The following AMPH variants were observed in gnomAD, a reference collection of about 807,000 sequenced individuals.
The protein encoded by AMPH is amphiphysin, also known as amphiphysin (Stiff-Mann syndrome with breast cancer 128kD autoantigen).
AMPH carries 49 observed loss-of-function variants against 99.1 expected under a neutral mutation model. That is an observed-to-expected ratio of 0.49 (90% CI 0.39 to 0.63). AMPH has a LOEUF of 0.63. Ranked by LOEUF, AMPH falls within the 20% of genes least tolerant of loss-of-function variation. AMPH has a pLI of 0.00. For synonymous variants in AMPH, 314 were observed against 317.3 expected, an observed-to-expected ratio of 0.99 and a Z score of 0.11; for missense variants, 759 against 863.4, an observed-to-expected ratio of 0.88 and a Z score of 1.52.
At chr7:38,403,555 C>A (rs1034966574) in intron 17 of AMPH, among the ~76,000 whole-genome samples, 14 of 152,314 alleles carry the variant, frequency 9.2e-5, no homozygotes, top group African/African-American at 3.1e-4. Flanking sequence ...CAGACCCCTG[C>A]AAACATACCT....
At chr7:38,461,683 C>T (rs1787452029) in intron 10 of AMPH, among the ~76,000 whole-genome samples, 1 of 152,146 alleles carries the variant, frequency 6.6e-6, no homozygotes, top group Non-Finnish European at 1.5e-5. Context: ...AGCTGTAGGG[C>T]CAGGCACATA....
chr7:38,444,461 G>A (rs1041418431), intron 11 of AMPH, among the ~76,000 whole-genome samples: 5 of 152,160 alleles, frequency 3.3e-5, no homozygotes, highest in Admixed American at 1.3e-4. Context: ...GTAGACGCAA[G>A]GAGAATGCCA....
rs760115221 is a variant in AMPH at position 38,465,471 on chromosome 7, G to A, written c.745C>T (p.Pro249Ser). Reference sequence around the variant, plus strand: ...CTCCAATGAGCAGGGGCCTACCTGGGCGCTCCTTGGATGGTGAAGGCCTTG... The same window carrying A: ...CTCCAATGAGCAGGGGCCTACCTGGACGCTCCTTGGATGGTGAAGGCCTTG... Reference protein sequence around the residue: ...ADKAFTIQGAPSDSGPLRIAK... With the variant: ...ADKAFTIQGASSDSGPLRIAK... The change falls in exon 9 of 21, where the codon CCC becomes TCC. Residue 249 changes from proline to serine, a missense_variant. Pro to Ser is a moderately conservative substitution (Grantham distance 74). Coordinates refer to ENST00000356264, the MANE Select transcript of AMPH (RefSeq NM_001635.4). 2 of 1,573,296 alleles carry A rather than the reference G, an allele frequency of 1.3e-6. No homozygotes were observed. Among genetic ancestry groups the A allele is most frequent in the South Asian group, 2.3e-5 (2 of 85,844 alleles).
At chr7:38,586,523 C>A (rs2129056728) in intron 1 of AMPH, among the ~76,000 whole-genome samples, 1 of 152,212 alleles carries the variant, frequency 6.6e-6, no homozygotes, top group East Asian at 1.9e-4. Flanking sequence ...GGGCCAATTG[C>A]TAGTGAGTTA....
chr7:38,430,766 TAG>T (rs1178801197), intron 13 of AMPH, among the ~76,000 whole-genome samples: 1 of 152,216 alleles, frequency 6.6e-6, no homozygotes, highest in Non-Finnish European at 1.5e-5. Flanking sequence ...AGATATAACT[TAG>T]TCATTGGTGG....
chr7:38,534,877 A>G (rs1790539582), intron 2 of AMPH, 54 bp downstream of exon 2: 1 of 1,489,612 alleles, frequency 6.7e-7, no homozygotes, highest in African/African-American at 1.4e-5. Context: ...ACATACTAAG[A>G]CACAAACACA....
At chr7:38,423,092 C>T (rs1477599616) in intron 15 of AMPH, among the ~76,000 whole-genome samples, 4 of 152,224 alleles carry the variant, frequency 2.6e-5, no homozygotes, top group Admixed American at 6.5e-5. Flanking sequence ...CTTTAGTCCA[C>T]AGCTTCTCTT....
At chr7:38,414,238 TA>T (rs896667529) in intron 17 of AMPH, among the ~76,000 whole-genome samples, 1 of 152,226 alleles carries the variant, frequency 6.6e-6, no homozygotes, top group African/African-American at 2.4e-5. Context: ...AGTTTAGTGG[TA>T]AAATTTTTAA....
rs1257921435 is a variant in AMPH, at chr7:38,436,266, T to G, written c.1134+6A>C. 6.2e-7 allele frequency: 1 copy of G among 1,610,268 alleles called. No homozygotes were observed. Among genetic ancestry groups the G allele is most frequent in the Admixed American group, 1.7e-5 (1 of 60,018 alleles). Reference sequence around the variant, plus strand: ...TATCTCCAAACATCCAAAAAGCACCTGATACCTGAGACATGGGTGAGTGGG... The same window carrying G: ...TATCTCCAAACATCCAAAAAGCACCGGATACCTGAGACATGGGTGAGTGGG... On this transcript the variant is annotated splice_donor_region_variant and intron_variant, in intron 12 of 20. Transcript: ENST00000356264.
chr7:38,447,842 ATAGAGATTTTCATCTTTTCTTCTTC>A (rs890101356), intron 11 of AMPH, among the ~76,000 whole-genome samples: 1 of 152,124 alleles, frequency 6.6e-6, no homozygotes, highest in African/African-American at 2.4e-5. Context: ...CCATGAGGGC[ATAGAGATTTTCATCTTTTCTTCTTC>A]TAGAGATTTT....
chr7:38,485,871 G>A (rs1347395342), intron 5 of AMPH, among the ~76,000 whole-genome samples: 3 of 151,840 alleles, frequency 2.0e-5, no homozygotes, highest in Non-Finnish European at 2.9e-5. Context: ...AATTTTGAAC[G>A]ACCAATGGGT....
intron 1 of AMPH, among the ~76,000 whole-genome samples, chr7:38,548,040 T>C (rs965170766): frequency 6.0e-5 from 9 of 151,032 alleles, no homozygotes; most frequent in Middle Eastern, 3.4e-3. Flanking sequence ...TTTTTTTTTT[T>C]TTTTTTGTGA....
At chr7:38,433,137 A>G (rs1257026982) in intron 12 of AMPH, among the ~76,000 whole-genome samples, 1 of 152,206 alleles carries the variant, frequency 6.6e-6, no homozygotes, top group Non-Finnish European at 1.5e-5. Context: ...CCTTAAAAAT[A>G]TGATGGTTTT....
chr7:38,583,395 T>C (rs961284682), intron 1 of AMPH, among the ~76,000 whole-genome samples: 2 of 139,230 alleles, frequency 1.4e-5, no homozygotes, highest in African/African-American at 5.1e-5. Flanking sequence ...ATTCAATAAA[T>C]AGTGAATTTT....
chr7:38,534,878 C>T lies in AMPH; in HGVS notation c.150+53G>A, dbSNP rs1456865237. 3.3e-6 allele frequency: 5 copies of T among 1,494,540 alleles called. No homozygotes were observed. In the Admixed American group the frequency reaches 8.6e-5, roughly 26 times the overall value. 92.6% of individuals were successfully genotyped at this position (1,494,540 alleles called of 1,614,324 possible). A position where few individuals can be genotyped will look rare whatever the true frequency, so the allele number is the denominator to read the frequency against. On this transcript the variant is annotated intron_variant, in intron 2 of 20. Coordinates refer to ENST00000356264, the MANE Select transcript of AMPH (RefSeq NM_001635.4). Reference sequence around the variant, plus strand: ...AATGCATTTTACTTACATACTAAGACACAAACACATTTAAACAATTTCCCA... The same window carrying T: ...AATGCATTTTACTTACATACTAAGATACAAACACATTTAAACAATTTCCCA...
intron 17 of AMPH, among the ~76,000 whole-genome samples, chr7:38,395,003 C>T (rs1357036287): frequency 6.6e-6 from 1 of 152,160 alleles, no homozygotes; most frequent in Non-Finnish European, 1.5e-5. Context: ...CATCCTTAAC[C>T]TTGGCTAAAT....
intron 2 of AMPH, among the ~76,000 whole-genome samples, chr7:38,513,977 A>AC (rs1005673023): frequency 2.0e-5 from 3 of 151,706 alleles, no homozygotes; most frequent in Non-Finnish European, 4.4e-5. Context: ...TTGGTCTTTG[A>AC]CCCCCCTTTG....
At chr7:38,611,908 A>T (rs1793693337) in intron 1 of AMPH, among the ~76,000 whole-genome samples, 2 of 152,168 alleles carry the variant, frequency 1.3e-5, no homozygotes, top group African/African-American at 2.4e-5. Flanking sequence ...TAGCTAAATC[A>T]CAGGAAAAGA....
At chr7:38,403,892 G>A (rs1308657463) in intron 17 of AMPH, among the ~76,000 whole-genome samples, 2 of 152,156 alleles carry the variant, frequency 1.3e-5, no homozygotes, top group East Asian at 1.9e-4. Flanking sequence ...CCAGATGGCC[G>A]CACCCCCAGT....
Sources: allele counts gnomAD v4.1 joint callset (sites outside exome capture counted in the v4.1 genomes callset), GRCh38; gene constraint gnomAD v4.1.1; transcripts MANE v1.5; gene names NCBI Gene and HGNC (gene_info 2026-07-23, HGNC 2026-07-21).